The following ZNF407 variants were observed in gnomAD, a reference collection of about 807,000 sequenced individuals.
ZNF407 encodes zinc finger protein 407.
Under a neutral mutation model 131.2 loss-of-function variants are expected in ZNF407, and 17 were observed. The ratio of observed to expected loss-of-function variants is 0.13; its 90% confidence interval spans 0.09 to 0.19. The LOEUF is 0.19. Among genes scored for constraint, ZNF407 ranks in the 10% least tolerant of loss-of-function variants. ZNF407 has a pLI of 1.00. For synonymous variants in ZNF407, 1,156 were observed against 1,062.0 expected, an observed-to-expected ratio of 1.09 and a Z score of -1.72; for missense variants, 2,681 against 2,830.6, an observed-to-expected ratio of 0.95 and a Z score of 1.20.
chr18:74,616,846 C>G (rs1983313895), intron 1 of ZNF407, among the ~76,000 whole-genome samples: 2 of 128,738 alleles, frequency 1.6e-5, no homozygotes, highest in Non-Finnish European at 1.7e-5. Flanking sequence ...GCACCACACG[C>G]ATCCATATCC....
In ZNF407 at chr18:74,960,737, G is replaced by A. The variant is rs370223257; in HGVS notation, c.5428+40045G>A. On this transcript the variant is annotated intron_variant, in intron 8 of 8. Coordinates refer to ENST00000299687, the MANE Select transcript of ZNF407 (RefSeq NM_017757.3). Reference sequence around the variant, plus strand: ...GAAGGTCCTGAGTGTGGACTGGGTGGAGGGATAGGAGAAGGTCCTGAGTGA... The same window carrying A: ...GAAGGTCCTGAGTGTGGACTGGGTGAAGGGATAGGAGAAGGTCCTGAGTGA... Among the ~76,000 whole-genome samples the A allele has an allele frequency of 7.0e-5, 10 of 143,714 alleles. No individual in the cohort carries two copies. In the East Asian group the frequency reaches 2.0e-3, roughly 28 times the overall value. 94.3% of individuals were successfully genotyped at this position (143,714 alleles called of 152,430 possible).
At chr18:74,980,861 G>A (rs998845505) in intron 8 of ZNF407, among the ~76,000 whole-genome samples, 5 of 152,128 alleles carry the variant, frequency 3.3e-5, no homozygotes, top group Admixed American at 2.6e-4. Context: ...GCTCCGCTGC[G>A]GCCACTTGGA....
intron 4 of ZNF407, among the ~76,000 whole-genome samples, chr18:74,859,568 G>A (rs950421155): frequency 1.3e-5 from 2 of 152,188 alleles, no homozygotes; most frequent in Non-Finnish European, 2.9e-5. Context: ...TAATTAAGGA[G>A]GAAGCAAATC....
chr18:74,972,515 G>A (rs1420606815), intron 8 of ZNF407, among the ~76,000 whole-genome samples: 1 of 152,112 alleles, frequency 6.6e-6, no homozygotes, highest in African/African-American at 2.4e-5. Context: ...TTCACTCCCT[G>A]CTTTATCTGA....
intron 3 of ZNF407, among the ~76,000 whole-genome samples, chr18:74,685,636 C>T (rs1330922837): frequency 2.0e-5 from 3 of 152,230 alleles, no homozygotes; most frequent in Admixed American, 1.3e-4. Flanking sequence ...CTCACTCACT[C>T]GGCTGCAGTC....
At chr18:75,004,072 AC>A (rs961486975) in intron 8 of ZNF407, among the ~76,000 whole-genome samples, 20 of 151,972 alleles carry the variant, frequency 1.3e-4, no homozygotes, top group Admixed American at 9.2e-4. Context: ...AGTTTAACCA[AC>A]CCTCTTTCTT....
Position 74,631,525 on chromosome 18 carries a change from C to T in ZNF407, c.506C>T (p.Pro169Leu). ...SLDLERESPFPPKEISVSCTI... is the reference protein window; with the variant it reads ...SLDLERESPFLPKEISVSCTI... ...GATCTGGAAAGAGAATCTCCTTTCC[C>T]CCCGAAAGAAATTAGTGTTAGTTGT... Residue 169 changes from proline to leucine, a missense_variant, in exon 2 of 9, where the codon CCC (proline) becomes CTC (leucine). Coordinates refer to ENST00000299687, the MANE Select transcript of ZNF407 (RefSeq NM_017757.3). The T allele has an allele frequency of 1.2e-6, 2 of 1,613,804 alleles. No individual in the cohort carries two copies. The highest frequency in any genetic ancestry group is 1.7e-6 in the Non-Finnish European group (2 of 1,179,890).
rs1032504026 is a variant in ZNF407, at chr18:74,971,737, C to T, written c.5428+51045C>T. On this transcript the variant is annotated intron_variant, in intron 8 of 8. Transcript: ENST00000299687. ...TTCTGAGCTCTTCAAACTGTTCCAA[C>T]TCTCTGCCTCTTACCCAGTTCCAAA... 7.2e-5 allele frequency among the ~76,000 whole-genome samples: 11 copies of T among 152,226 alleles called. 1 individual carries two copies. Among genetic ancestry groups the T allele is most frequent in the Admixed American group, 3.3e-4 (5 of 15,288 alleles).
chr18:74,781,728 T>C (rs1969607128), intron 4 of ZNF407, among the ~76,000 whole-genome samples: 1 of 152,182 alleles, frequency 6.6e-6, no homozygotes, highest in Non-Finnish European at 1.5e-5. Flanking sequence ...TGGAGGACTT[T>C]GAATTTGTGA....
At chr18:74,841,783 A>C (rs982709130) in intron 4 of ZNF407, among the ~76,000 whole-genome samples, 2 of 152,216 alleles carry the variant, frequency 1.3e-5, no homozygotes, top group African/African-American at 4.8e-5. Context: ...GATGAAACTC[A>C]TGAAAAAGAG....
At chr18:74,922,722 C>T (rs1157387916) in intron 8 of ZNF407, among the ~76,000 whole-genome samples, 1 of 152,142 alleles carries the variant, frequency 6.6e-6, no homozygotes, top group East Asian at 1.9e-4. Flanking sequence ...AGTGGAGACC[C>T]TGATTCAAGT....
At chr18:74,783,864 G>C (rs1217778872) in intron 4 of ZNF407, among the ~76,000 whole-genome samples, 1 of 152,122 alleles carries the variant, frequency 6.6e-6, no homozygotes, top group Non-Finnish European at 1.5e-5. Context: ...TTCTTTGAGA[G>C]GACTTCTTGT....
At chr18:74,806,814 A>G (rs1009032583) in intron 4 of ZNF407, among the ~76,000 whole-genome samples, 17 of 152,246 alleles carry the variant, frequency 1.1e-4, no homozygotes, top group Admixed American at 8.5e-4. Context: ...AGTGAGACTG[A>G]GTAAGTGTCC....
chr18:74,716,619 C>A (rs1325931727), intron 3 of ZNF407, among the ~76,000 whole-genome samples: 1 of 152,090 alleles, frequency 6.6e-6, no homozygotes, highest in Non-Finnish European at 1.5e-5. Context: ...GGACCCTACC[C>A]TTATGAAACT....
At chr18:74,915,354 A>T (rs866554387) in intron 7 of ZNF407, among the ~76,000 whole-genome samples, 4 of 76,000 alleles carry the variant, frequency 5.3e-5, no homozygotes, top group Non-Finnish European at 8.2e-5. Flanking sequence ...GTGTGTGTGC[A>T]TGTGTGTGCT....
intron 3 of ZNF407, among the ~76,000 whole-genome samples, chr18:74,742,602 T>A (rs1360792541): frequency 6.6e-6 from 1 of 152,218 alleles, no homozygotes; most frequent in Non-Finnish European, 1.5e-5. Context: ...ATAATGAAAA[T>A]TATCTTTTTT....
At chr18:74,675,889 T>G (rs1259874320) in intron 3 of ZNF407, among the ~76,000 whole-genome samples, 1 of 152,192 alleles carries the variant, frequency 6.6e-6, no homozygotes, top group Non-Finnish European at 1.5e-5. Flanking sequence ...CCTATAGACG[T>G]TTAAAGCCTT....
chr18:74,859,070 G>T (rs1402547073), intron 4 of ZNF407, among the ~76,000 whole-genome samples: 1 of 152,120 alleles, frequency 6.6e-6, no homozygotes, highest in Admixed American at 6.6e-5. Context: ...GCAGTGTACG[G>T]TTATGAAGTG....
chr18:74,743,865 A>G (rs1962060904), intron 3 of ZNF407, among the ~76,000 whole-genome samples: 1 of 152,164 alleles, frequency 6.6e-6, no homozygotes, highest in Non-Finnish European at 1.5e-5. Context: ...TTTTAGAGTT[A>G]ATTGGTACAT....
Sources: gnomAD v4.1 joint callset for allele counts (sites outside exome capture counted in the v4.1 genomes callset) on GRCh38, gnomAD v4.1.1 for gene constraint, MANE v1.5 for transcripts, NCBI Gene and HGNC (gene_info 2026-07-23, HGNC 2026-07-21) for gene names.